Variants in HJURP observed in about 807,000 individuals in gnomAD.
The protein encoded by HJURP is 14-3-3-associated AKT substrate.
A neutral mutation model predicts 72.0 loss-of-function variants in HJURP; 49 were observed. That is an observed-to-expected ratio of 0.68 (90% CI 0.54 to 0.86). HJURP has a LOEUF of 0.86. Among genes scored for constraint, HJURP ranks in the 40% least tolerant of loss-of-function variants. HJURP has a pLI of 0.00. For missense variants in HJURP, 908 were observed against 936.3 expected (o/e 0.97, Z 0.39); for synonymous variants, 357 against 347.1 (o/e 1.03, Z -0.32).
chr2:233,837,628 C>T lies in HJURP; in HGVS notation c.2196G>A (p.Met732Ile), dbSNP rs758668402. The T allele has an allele frequency of 1.2e-6, 2 of 1,610,664 alleles. No individual in the cohort carries two copies. The highest frequency in any genetic ancestry group is 2.2e-5 in the East Asian group (1 of 44,828). ...EERGENTSYR[M>I]EEKSDFMLEK... ...CTAGCATGAAATCACTTTTCTCTTC[C>T]ATCCTGTAAGACGTGTTCTCTCCTC... Residue 732 changes from methionine to isoleucine, a missense_variant, in exon 9 of 9, where the codon ATG (methionine) becomes ATA (isoleucine). Transcript: ENST00000411486.
intron 6 of HJURP, among the ~76,000 whole-genome samples, chr2:233,845,265 C>T (rs1000624423): frequency 6.6e-6 from 1 of 152,078 alleles, no homozygotes; most frequent in Non-Finnish European, 1.5e-5. Flanking sequence ...GATTATCCTG[C>T]CTTAGCCTCC....
At chr2:233,845,883 C>T in intron 5 of HJURP, 63 bp from the exon 6 acceptor site, 2 of 973,828 alleles carry the variant, frequency 2.1e-6, no homozygotes, top group Non-Finnish European at 3.3e-6. Flanking sequence ...CTTTTGGCTT[C>T]TGGAACAAAC....
intron 8 of HJURP, among the ~76,000 whole-genome samples, chr2:233,840,308 G>A (rs1705187792): frequency 1.3e-5 from 2 of 152,182 alleles, no homozygotes; most frequent in Non-Finnish European, 2.9e-5. Flanking sequence ...CGAATAAAGC[G>A]TAGTAAGTGA....
rs958077912 is a variant in HJURP, at chr2:233,846,887, G to A, written c.402+510C>T. Among the ~76,000 whole-genome samples, 1 of 152,160 alleles carries A rather than the reference G, an allele frequency of 6.6e-6. No individual in the cohort carries two copies. Among genetic ancestry groups the A allele is most frequent in the African/African-American group, 2.4e-5 (1 of 41,446 alleles). On this transcript the variant is annotated intron_variant, in intron 5 of 8. Coordinates refer to ENST00000411486, the MANE Select transcript of HJURP (RefSeq NM_018410.5). The surrounding 1 kb of genome is among the most constrained non-coding windows in gnomAD (Gnocchi z 4.3). ...AAGCACATCCCATAAGAAAACGGGT[G>A]GTTTCTGTGACCCAGGGGGCACTCT...
In HJURP at chr2:233,846,773, C is replaced by G. The variant is rs1438531299; in HGVS notation, c.402+624G>C. Among the ~76,000 whole-genome samples the G allele has an allele frequency of 6.6e-6, 1 of 152,186 alleles. No homozygotes were observed. The highest frequency in any genetic ancestry group is 1.5e-5 in the Non-Finnish European group (1 of 68,042). ...ACCATGCATCAGGTATTCTGGCAGG[C>G]AACAGAGTGTGACACGGGGGCCAGG... On this transcript the variant is annotated intron_variant, in intron 5 of 8. Transcript: ENST00000411486. This position sits in a 1 kb window ranked among gnomAD's most constrained non-coding sequence, Gnocchi z 4.3.
intron 1 of HJURP, 86 bp from the exon 2 acceptor site, chr2:233,853,996 G>T: frequency 8.0e-7 from 1 of 1,250,778 alleles, no homozygotes. Flanking sequence ...GCCCGTGAGA[G>T]GCCGTTAGTC....
chr2:233,845,679 T>C, intron 6 of HJURP, 49 bp downstream of exon 6: 1 of 1,165,114 alleles, frequency 8.6e-7, no homozygotes, highest in Non-Finnish European at 1.3e-6. Flanking sequence ...TCAATGTATT[T>C]AGTTTATGAT....
intron 8 of HJURP, among the ~76,000 whole-genome samples, chr2:233,838,448 G>A (rs1458135628): frequency 1.3e-5 from 2 of 152,170 alleles, no homozygotes; most frequent in Non-Finnish European, 2.9e-5. Flanking sequence ...TCTGCACGGA[G>A]CACTGGGGCA....
Position 233,846,692 on chromosome 2 carries a change from G to A in HJURP, c.402+705C>T, listed in dbSNP as rs1705369871. 6.6e-6 allele frequency among the ~76,000 whole-genome samples: 1 copy of A among 152,156 alleles called. No individual in the cohort carries two copies. Among genetic ancestry groups the A allele is most frequent in the Non-Finnish European group, 1.5e-5 (1 of 68,028 alleles). ...ACGGCCTTTTTCTTAGTCACTGAAAGTCACACATGGGTGCGTGGGAAACCC... is the reference window on the plus strand; with the variant it reads ...ACGGCCTTTTTCTTAGTCACTGAAAATCACACATGGGTGCGTGGGAAACCC... On this transcript the variant is annotated intron_variant, in intron 5 of 8. Transcript: ENST00000411486. The surrounding 1 kb of genome is among the most constrained non-coding windows in gnomAD (Gnocchi z 4.3).
chr2:233,849,971 GCCTGCCACAAGGCTTCTCTTCTC>G (rs1308728647), intron 3 of HJURP, 112 bp from the exon 4 acceptor site: 8 of 673,174 alleles, frequency 1.2e-5, no homozygotes, highest in Non-Finnish European at 1.8e-5. Flanking sequence ...GACAGCAAGA[GCCTGCCACAAGGCTTCTCTTCTC>G]CCTGCATGTC....
At chr2:233,840,425 T>C (rs941520423) in intron 8 of HJURP, among the ~76,000 whole-genome samples, 184 bp downstream of exon 8, 14 of 152,212 alleles carry the variant, frequency 9.2e-5, no homozygotes, top group Non-Finnish European at 2.1e-4. Flanking sequence ...GGACACATTC[T>C]TGATAGAGAC....
chr2:233,850,754 G>A (rs1180982971), intron 3 of HJURP, among the ~76,000 whole-genome samples: 4 of 152,160 alleles, frequency 2.6e-5, no homozygotes, highest in Admixed American at 2.6e-4. Context: ...GTTGTTTTGT[G>A]GCTGTGTCTG....
chr2:233,839,187 C>G (rs1705154680), intron 8 of HJURP, among the ~76,000 whole-genome samples: 1 of 152,214 alleles, frequency 6.6e-6, no homozygotes, highest in Non-Finnish European at 1.5e-5. Context: ...CCAACAAAAC[C>G]TGGGAGCTTC....
chr2:233,840,154 C>A (rs2124959464), intron 8 of HJURP, among the ~76,000 whole-genome samples: 1 of 152,248 alleles, frequency 6.6e-6, no homozygotes, highest in Middle Eastern at 3.6e-3. Flanking sequence ...GAATACTGTG[C>A]TCGTGGCTCT....
rs771713802 is a variant in HJURP at position 233,841,102 on chromosome 2, T to C, written c.1678A>G (p.Lys560Glu). 54 of 1,614,190 alleles carry C rather than the reference T, an allele frequency of 3.3e-5. No individual in the cohort carries two copies. Among genetic ancestry groups the C allele is most frequent in the Non-Finnish European group, 4.4e-5 (52 of 1,180,026 alleles). ...GIFRKSVSPS[K>E]TLSVPDKEVP... The stretch of plus-strand genomic sequence containing the variant: ...TCTTTATCTGGGACTGAAAGAGTTT[T>C]GCTGGGTGACACTGACTTTCTAAAT... Residue 560 changes from lysine to glutamate, a missense_variant, in exon 8 of 9, where the codon AAA becomes GAA. Physicochemically the swap from Lys to Glu is moderately conservative, Grantham distance 56. Transcript: ENST00000411486.
At chr2:233,854,297 A>G (rs1705564742) in intron 1 of HJURP, 87 bp downstream of exon 1, 1 of 890,696 alleles carries the variant, frequency 1.1e-6, no homozygotes, top group East Asian at 2.6e-5. Flanking sequence ...GAGTCCTCAG[A>G]GCCCCTTCCC....
At chr2:233,852,439 T>C in intron 3 of HJURP, 126 bp downstream of exon 3, 1 of 662,320 alleles carries the variant, frequency 1.5e-6, no homozygotes, top group Non-Finnish European at 2.7e-6. Context: ...AAGAGTATAA[T>C]CATGAGAAAA....
In HJURP at chr2:233,845,568, G is replaced by C. The variant is rs142242517; in HGVS notation, c.495+160C>G. 2.4e-3 allele frequency among the ~76,000 whole-genome samples: 364 copies of C among 152,302 alleles called. 2 individuals are homozygous for C. The highest frequency in any genetic ancestry group is 7.7e-3 in the African/African-American group (322 of 41,554). Reference sequence around the variant, plus strand: ...GACCTGGAGTGTTTATTCAAGAAGAGCAAGTATGTCAGCATGTGAATAAAA... The same window carrying C: ...GACCTGGAGTGTTTATTCAAGAAGACCAAGTATGTCAGCATGTGAATAAAA... On this transcript the variant is annotated intron_variant, in intron 6 of 8. Coordinates refer to ENST00000411486, the MANE Select transcript of HJURP (RefSeq NM_018410.5).
At position 233,849,760 on chromosome 2, in the gene HJURP, C is replaced by T. The variant is rs542169869; in HGVS notation, c.337+3G>A. On this transcript the variant is annotated splice_donor_region_variant and intron_variant, in intron 4 of 8. Transcript: ENST00000411486. ...TCAGTTCTCTGACGAAGGCAACACT[C>T]ACCGGCTCCCAGGACTGTGCGGTGC... 1 of 1,548,668 alleles carries T rather than the reference C, an allele frequency of 6.5e-7. No homozygotes were observed. Among genetic ancestry groups the T allele is most frequent in the Admixed American group, 2.0e-5 (1 of 51,130 alleles).
Sources: allele counts gnomAD v4.1 joint callset (sites outside exome capture counted in the v4.1 genomes callset), GRCh38; gene constraint gnomAD v4.1.1; non-coding constraint Gnocchi (gnomAD v3.1); transcripts MANE v1.5; gene names NCBI Gene and HGNC (gene_info 2026-07-23, HGNC 2026-07-21).